The following GNA12 variants were observed in gnomAD, a reference collection of about 807,000 sequenced individuals.
GNA12 encodes G protein subunit alpha 12.
Under a neutral mutation model 26.0 loss-of-function variants are expected in GNA12, and 9 were observed. The ratio of observed to expected loss-of-function variants is 0.35; its 90% CI spans 0.21 to 0.60. The LOEUF is 0.60. Ranked by LOEUF, GNA12 falls within the 20% of genes least tolerant of loss-of-function variation. The probability of loss-of-function intolerance (pLI) is 0.78; values close to 1 mark genes in which losing one functional copy is unlikely to be tolerated. For missense variants in GNA12, 405 were observed against 525.8 expected, an observed-to-expected ratio of 0.77 and a Z score of 2.25; for synonymous variants, 264 against 219.6, an observed-to-expected ratio of 1.20 and a Z score of -1.79.
chr7:2,826,614 G>C (rs1399435313), intron 1 of GNA12, among the ~76,000 whole-genome samples: 1 of 152,148 alleles, frequency 6.6e-6, no homozygotes, highest in African/African-American at 2.4e-5. Context: ...ATAATGAAAA[G>C]AAATAAACTA....
At chr7:2,800,971 C>G (rs1792795373) in intron 1 of GNA12, among the ~76,000 whole-genome samples, 1 of 152,094 alleles carries the variant, frequency 6.6e-6, no homozygotes, top group South Asian at 2.1e-4. Context: ...CCTCTTTTCC[C>G]CACTATGCAC....
chr7:2,809,799 T>C (rs1362732243), intron 1 of GNA12, among the ~76,000 whole-genome samples: 1 of 152,148 alleles, frequency 6.6e-6, no homozygotes, highest in Non-Finnish European at 1.5e-5. Flanking sequence ...AATATGTAAA[T>C]ATTTATGTAA....
chr7:2,748,837 A>C (rs550953394), intron 2 of GNA12, among the ~76,000 whole-genome samples: 2 of 152,214 alleles, frequency 1.3e-5, no homozygotes, highest in Non-Finnish European at 2.9e-5. Context: ...AACCCCATCA[A>C]AAAGTGGGCA....
intron 1 of GNA12, among the ~76,000 whole-genome samples, chr7:2,836,855 C>T (rs934558686): frequency 2.6e-5 from 4 of 152,032 alleles, no homozygotes; most frequent in African/African-American, 7.2e-5. Context: ...ACCTGGGTGG[C>T]GGAGGTTGCA....
chr7:2,787,920 A>G (rs2266923), intron 2 of GNA12, among the ~76,000 whole-genome samples: 93,212 of 152,146 alleles, frequency 0.61, 28,740 homozygotes, highest in Admixed American at 0.64. Context: ...TTTGGAAGCC[A>G]AGGCAGGAGG....
chr7:2,768,170 A>C (rs1791854001), intron 2 of GNA12, among the ~76,000 whole-genome samples: 1 of 152,228 alleles, frequency 6.6e-6, no homozygotes, highest in African/African-American at 2.4e-5. Flanking sequence ...GGAGACTATA[A>C]ATGGCCACGG....
At chr7:2,782,800 C>A (rs910266336) in intron 2 of GNA12, among the ~76,000 whole-genome samples, 1 of 152,108 alleles carries the variant, frequency 6.6e-6, no homozygotes, top group Non-Finnish European at 1.5e-5. Context: ...CACCTTCTGA[C>A]CCCATCCTCC....
intron 1 of GNA12, among the ~76,000 whole-genome samples, chr7:2,829,513 T>C (rs879866664): frequency 6.6e-6 from 1 of 152,208 alleles, no homozygotes; most frequent in South Asian, 2.1e-4. Flanking sequence ...ATGACGATGC[T>C]GAGTTTTCAA....
intron 2 of GNA12, among the ~76,000 whole-genome samples, chr7:2,768,115 A>T (rs1420139864): frequency 2.6e-5 from 4 of 152,210 alleles, no homozygotes; most frequent in Non-Finnish European, 5.9e-5. Flanking sequence ...TTGGCCTCCC[A>T]AAGTGTTGGG....
intron 2 of GNA12, among the ~76,000 whole-genome samples, chr7:2,771,748 A>C (rs973080303): frequency 5.3e-5 from 8 of 152,168 alleles, no homozygotes; most frequent in African/African-American, 1.9e-4. Context: ...ATGTGTGTGC[A>C]AGTCTTTGTG....
Position 2,844,257 on chromosome 7 carries a change from CCCGCCGCTCGCCTCAGGCCGCGTCCGCCG to C in GNA12, c.-125_-97del. On this transcript the variant is annotated 5_prime_UTR_variant, in exon 1 of 4. Coordinates refer to ENST00000275364, the MANE Select transcript of GNA12 (RefSeq NM_007353.3). The stretch of plus-strand genomic sequence containing the variant: ...CCCGGGCCGAGGCACCGCCCCACGC[CCCGCCGCTCGCCTCAGGCCGCGTCCGCCG>C]CCGCCGCTGCAGTCGCTCCGAGGCC... 1 of 558,302 alleles carries C rather than the reference CCCGCCGCTCGCCTCAGGCCGCGTCCGCCG, an allele frequency of 1.8e-6. No individual in the cohort carries two copies. Among genetic ancestry groups the C allele is most frequent in the Non-Finnish European group, 2.3e-6 (1 of 441,446 alleles). The allele number at this position is 558,302 out of a possible 1,614,324, so 34.6% of individuals were successfully genotyped here. A position where few individuals can be genotyped will look rare whatever the true frequency, so the allele number is the denominator to read the frequency against.
Position 2,757,129 on chromosome 7 carries a change from CTTTTTTT to C in GNA12, c.526-23635_526-23629del, listed in dbSNP as rs71026549. 6.1e-3 allele frequency among the ~76,000 whole-genome samples: 572 copies of C among 93,976 alleles called. 1 individual carries two copies. The highest frequency in any genetic ancestry group is 8.8e-3 in the Non-Finnish European group (448 of 51,072). 61.7% of individuals were successfully genotyped at this position (93,976 alleles called of 152,430 possible). ...GCAGGCCCGATCTAATCAGGTGGGC[CTTTTTTT>C]TTTTTTTTTTTTTTTTTGAGACGGA... On this transcript the variant is annotated intron_variant, in intron 2 of 3. Transcript: ENST00000275364.
chr7:2,734,308 C>T (rs531778643), intron 2 of GNA12, among the ~76,000 whole-genome samples: 2 of 152,198 alleles, frequency 1.3e-5, no homozygotes, highest in African/African-American at 2.4e-5. Context: ...TCAAAGGTAG[C>T]GTATTAAAAA....
At chr7:2,766,620 A>G (rs1341459409) in intron 2 of GNA12, among the ~76,000 whole-genome samples, 2 of 152,102 alleles carry the variant, frequency 1.3e-5, no homozygotes, top group Non-Finnish European at 2.9e-5. Flanking sequence ...TCCTGACCTC[A>G]AGCAATCCAC....
intron 3 of GNA12, among the ~76,000 whole-genome samples, chr7:2,732,472 G>A (rs957134492): frequency 6.6e-6 from 1 of 152,166 alleles, no homozygotes; most frequent in Non-Finnish European, 1.5e-5. Flanking sequence ...TTTGAACCTA[G>A]GAGGTTGAGG....
At chr7:2,801,940 G>A (rs1792818932) in intron 1 of GNA12, among the ~76,000 whole-genome samples, 1 of 152,018 alleles carries the variant, frequency 6.6e-6, no homozygotes, top group Non-Finnish European at 1.5e-5. Context: ...AGAACTGATA[G>A]TTACACTTTT....
intron 1 of GNA12, among the ~76,000 whole-genome samples, chr7:2,803,690 G>A (rs911593200): frequency 6.6e-6 from 1 of 152,042 alleles, no homozygotes; most frequent in African/African-American, 2.4e-5. Context: ...CTCAAGAGGA[G>A]ATGGAACTGC....
intron 1 of GNA12, among the ~76,000 whole-genome samples, chr7:2,828,113 A>T (rs901710523): frequency 1.3e-5 from 2 of 152,212 alleles, no homozygotes; most frequent in Admixed American, 6.5e-5. Context: ...TCTCCTTGGC[A>T]GATATTTACA....
At chr7:2,771,890 C>G (rs934611330) in intron 2 of GNA12, among the ~76,000 whole-genome samples, 2 of 152,154 alleles carry the variant, frequency 1.3e-5, no homozygotes, top group South Asian at 4.1e-4. Flanking sequence ...CACATTTCTA[C>G]CAGGGGTGTG....
Sources: gnomAD v4.1 joint callset for allele counts (sites outside exome capture counted in the v4.1 genomes callset) on GRCh38, gnomAD v4.1.1 for gene constraint, MANE v1.5 for transcripts, NCBI Gene and HGNC (gene_info 2026-07-23, HGNC 2026-07-21) for gene names.